DACH1: variants seen among roughly 807,000 people sequenced by gnomAD.
The protein encoded by DACH1 is dachshund family transcription factor 1.
A neutral mutation model predicts 54.2 loss-of-function variants in DACH1; 12 were observed. The observed-to-expected ratio is 0.22, with a 90% CI of 0.14 to 0.36. The LOEUF (loss-of-function observed/expected upper bound fraction) is 0.36. DACH1 is among the 10% of genes least tolerant of loss of function. The probability of loss-of-function intolerance (pLI) is 1.00; values close to 1 mark genes in which losing one functional copy is unlikely to be tolerated. For missense variants in DACH1, 805 were observed against 929.8 expected (o/e 0.87, Z 1.75); for synonymous variants, 386 against 366.2 (o/e 1.05, Z -0.62).
intron 4 of DACH1, among the ~76,000 whole-genome samples, chr13:71,563,811 T>C (rs1884742077): frequency 6.6e-6 from 1 of 151,584 alleles, no homozygotes. Flanking sequence ...GAACAAAGGA[T>C]ACAAAAACAA....
At chr13:71,727,971 A>G (rs1236681744) in intron 1 of DACH1, among the ~76,000 whole-genome samples, 3 of 152,122 alleles carry the variant, frequency 2.0e-5, no homozygotes, top group South Asian at 4.1e-4. Context: ...TCTAGACCAC[A>G]CTCTGGAAAC....
chr13:71,512,218 T>C (rs1400850854), intron 6 of DACH1, among the ~76,000 whole-genome samples: 1 of 151,912 alleles, frequency 6.6e-6, no homozygotes, highest in Admixed American at 6.6e-5. Context: ...TTGTTATCTA[T>C]TTCCTGCTAT....
chr13:71,560,027 G>T, intron 4 of DACH1, 72 bp from the exon 5 acceptor site: 1 of 1,394,880 alleles, frequency 7.2e-7, no homozygotes, highest in Non-Finnish European at 9.4e-7. Context: ...AATGAATGTT[G>T]TTTTTTCTCA....
chr13:71,630,364 A>T (rs1876998620), intron 3 of DACH1, among the ~76,000 whole-genome samples, 192 bp downstream of exon 3: 1 of 152,190 alleles, frequency 6.6e-6, no homozygotes, highest in African/African-American at 2.4e-5. Context: ...TAATGTTGCT[A>T]ATTATTCCTT....
rs113778960 is a variant in DACH1 at position 71,656,411 on chromosome 13, C to G, written c.964+25384G>C. 2.0e-4 allele frequency among the ~76,000 whole-genome samples: 31 copies of G among 152,150 alleles called. 1 individual carries two copies. The highest frequency in any genetic ancestry group is 7.2e-4 in the African/African-American group (30 of 41,520). On this transcript the variant is annotated intron_variant, in intron 2 of 10. Transcript: ENST00000613252. ...CTACTGAATAGGGCATCTGGTCAAACTTCTATTTGTCAGTATATAGCTCCT... is the reference window on the plus strand; with the variant it reads ...CTACTGAATAGGGCATCTGGTCAAAGTTCTATTTGTCAGTATATAGCTCCT...
chr13:71,630,285 G>A (rs1876991854), intron 3 of DACH1, among the ~76,000 whole-genome samples: 1 of 152,224 alleles, frequency 6.6e-6, no homozygotes, highest in African/African-American at 2.4e-5. Context: ...ATTAAACTTT[G>A]TATTATAAAA....
At chr13:71,546,021 T>G (rs1400673434) in intron 6 of DACH1, among the ~76,000 whole-genome samples, 2 of 152,028 alleles carry the variant, frequency 1.3e-5, no homozygotes, top group African/African-American at 4.8e-5. Flanking sequence ...GATATCTGAG[T>G]AGAAGGGGAA....
chr13:71,809,807 A>T (rs1887642455), intron 1 of DACH1, among the ~76,000 whole-genome samples: 1 of 152,206 alleles, frequency 6.6e-6, no homozygotes. Context: ...AATATAATCA[A>T]AAATTAACTA....
At chr13:71,573,044 C>A (rs1157879702) in intron 3 of DACH1, 32 bp from the exon 4 acceptor site, 2 of 1,590,080 alleles carry the variant, frequency 1.3e-6, no homozygotes, top group African/African-American at 1.3e-5. Context: ...CATCATTGCT[C>A]TGGAGGACAT....
intron 2 of DACH1, among the ~76,000 whole-genome samples, chr13:71,655,987 T>C (rs1261749840): frequency 1.3e-5 from 2 of 152,236 alleles, no homozygotes; most frequent in African/African-American, 4.8e-5. Flanking sequence ...TAATTTTTAA[T>C]TGGCCAATAA....
rs959988658 is a variant in DACH1, at chr13:71,812,203, TAA to T, written c.848+53717_848+53718del. Among the ~76,000 whole-genome samples, 11 of 152,148 alleles carry T rather than the reference TAA, an allele frequency of 7.2e-5. 1 individual carries two copies. The highest frequency in any genetic ancestry group is 6.3e-3 in the Middle Eastern group (2 of 316). ...AGCTCTAGTTTTGTTTGCATTTTAA[TAA>T]AAAAAGTTTCCACTCTGAAGGATAT... On this transcript the variant is annotated intron_variant, in intron 1 of 10. Transcript: ENST00000613252.
chr13:71,524,719 T>C (rs1051500842), intron 6 of DACH1, among the ~76,000 whole-genome samples: 4 of 152,082 alleles, frequency 2.6e-5, no homozygotes, highest in Non-Finnish European at 5.9e-5. Context: ...CATATGGAGA[T>C]AGCATATTTG....
intron 3 of DACH1, among the ~76,000 whole-genome samples, chr13:71,621,418 G>A (rs763405847): frequency 6.6e-6 from 1 of 152,108 alleles, no homozygotes; most frequent in Non-Finnish European, 1.5e-5. Flanking sequence ...TGGGATGACA[G>A]CTGGTACAGC....
At chr13:71,863,097 AACTTG>A (rs1324585021) in intron 1 of DACH1, among the ~76,000 whole-genome samples, 2 of 152,172 alleles carry the variant, frequency 1.3e-5, no homozygotes, top group African/African-American at 2.4e-5. Flanking sequence ...CAAAGATATA[AACTTG>A]ACTTGAATGA....
chr13:71,724,197 T>C (rs181206372), intron 1 of DACH1, among the ~76,000 whole-genome samples: 435 of 152,268 alleles, frequency 2.9e-3, no homozygotes, highest in Admixed American at 4.5e-3. Context: ...ATGAAAAAAC[T>C]TCTATCATCA....
In DACH1 at chr13:71,495,723, G is replaced by C. The variant is rs1207659719; in HGVS notation, c.1571-6575C>G. Among the ~76,000 whole-genome samples, 3 of 152,036 alleles carry C rather than the reference G, an allele frequency of 2.0e-5. No individual in the cohort carries two copies. The East Asian group carries it at 5.8e-4, about 29-fold the overall frequency. Reference sequence around the variant, plus strand: ...TACATTATGGTGAGAATGTAAATTAGTACAACCTCTATGGAAAACAGTATG... The same window carrying C: ...TACATTATGGTGAGAATGTAAATTACTACAACCTCTATGGAAAACAGTATG... On this transcript the variant is annotated intron_variant, in intron 6 of 10. Transcript: ENST00000613252.
At chr13:71,536,970 T>C (rs1882849058) in intron 6 of DACH1, among the ~76,000 whole-genome samples, 1 of 152,122 alleles carries the variant, frequency 6.6e-6, no homozygotes, top group African/African-American at 2.4e-5. Context: ...ATTATATATT[T>C]TCAATGCAAA....
chr13:71,757,411 A>G (rs185603552), intron 1 of DACH1, among the ~76,000 whole-genome samples: 1 of 152,272 alleles, frequency 6.6e-6, no homozygotes, highest in Non-Finnish European at 1.5e-5. Flanking sequence ...GTCTAACCTG[A>G]ACAAATCACT....
chr13:71,529,204 TGA>T (rs1882237078), intron 6 of DACH1, among the ~76,000 whole-genome samples: 2 of 93,572 alleles, frequency 2.1e-5, no homozygotes, highest in African/African-American at 7.1e-5. Context: ...TTTTTTTTTT[TGA>T]GGCAGAATCT....
Sources: gnomAD v4.1 joint callset for allele counts (sites outside exome capture counted in the v4.1 genomes callset) on GRCh38, gnomAD v4.1.1 for gene constraint, MANE v1.5 for transcripts, NCBI Gene and HGNC (gene_info 2026-07-23, HGNC 2026-07-21) for gene names.